The following COLQ variants were observed in gnomAD, a reference collection of about 807,000 sequenced individuals.
COLQ encodes the protein acetylcholinesterase collagenic tail peptide.
In COLQ, 48 loss-of-function variants were observed where a neutral mutation model predicts 69.0. That is an observed-to-expected ratio of 0.70 (90% CI 0.55 to 0.88). The LOEUF (loss-of-function observed/expected upper bound fraction) is 0.88. Among genes scored for constraint, COLQ ranks in the 40% least tolerant of loss-of-function variants. COLQ has a pLI of 0.00. For missense variants in COLQ, 618 were observed against 594.6 expected (o/e 1.04, Z -0.41); for synonymous variants, 217 against 211.2 (o/e 1.03, Z -0.24).
At chr3:15,488,060 A>T in intron 3 of COLQ, 146 bp downstream of exon 3, 1 of 636,842 alleles carries the variant, frequency 1.6e-6, no homozygotes, top group Non-Finnish European at 2.8e-6. Flanking sequence ...TGTTCTATCC[A>T]AGTGGCTTTG....
intron 3 of COLQ, among the ~76,000 whole-genome samples, chr3:15,480,661 T>G (rs142619037): frequency 1.3e-5 from 2 of 152,232 alleles, no homozygotes; most frequent in African/African-American, 4.8e-5. Flanking sequence ...TGTGTCTTTA[T>G]AGCAGCACGA....
chr3:15,475,283 G>A, intron 7 of COLQ, 142 bp downstream of exon 7: 1 of 828,974 alleles, frequency 1.2e-6, no homozygotes, highest in Non-Finnish European at 2.0e-6. Context: ...TTCTCCAAAG[G>A]GCTGGTAAAG....
At chr3:15,519,358 G>A (rs549083353) in intron 1 of COLQ, among the ~76,000 whole-genome samples, 57 of 152,288 alleles carry the variant, frequency 3.7e-4, no homozygotes, top group African/African-American at 5.1e-4. Flanking sequence ...AATGAGAGGC[G>A]CTGCCAAAAG....
At position 15,451,574 on chromosome 3, in the gene COLQ, G is replaced by T; in HGVS notation, c.*70C>A. The T allele has an allele frequency of 1.4e-6, 2 of 1,429,802 alleles. No individual in the cohort carries two copies. The highest frequency in any genetic ancestry group is 2.0e-6 in the Non-Finnish European group (2 of 1,011,780). 88.6% of individuals were successfully genotyped at this position (1,429,802 alleles called of 1,614,324 possible). ...TTGGTGGAGACGGGGCCAGGACATG[G>T]CCAGTTTGATGACAGTGGAGAAGCT... On this transcript the variant is annotated 3_prime_UTR_variant, in exon 17 of 17. Coordinates refer to ENST00000383788, the MANE Select transcript of COLQ (RefSeq NM_005677.4).
chr3:15,507,974 A>G (rs974658019), intron 1 of COLQ, among the ~76,000 whole-genome samples: 3 of 152,010 alleles, frequency 2.0e-5, no homozygotes, highest in Non-Finnish European at 4.4e-5. Context: ...TTTGCCACAC[A>G]TTATTTTTTT....
chr3:15,460,915 C>T (rs1163524767), intron 12 of COLQ, among the ~76,000 whole-genome samples: 1 of 152,034 alleles, frequency 6.6e-6, no homozygotes, highest in Admixed American at 6.6e-5. Flanking sequence ...GCTCTGTGAC[C>T]CCAACAACTC....
chr3:15,457,609 A>G (rs1366516937), intron 13 of COLQ, among the ~76,000 whole-genome samples: 1 of 135,688 alleles, frequency 7.4e-6, no homozygotes, highest in Admixed American at 8.0e-5. Context: ...TTCAACTAAG[A>G]TAACAAAGTA....
At chr3:15,480,006 C>T (rs1266432899) in intron 3 of COLQ, among the ~76,000 whole-genome samples, 3 of 152,192 alleles carry the variant, frequency 2.0e-5, no homozygotes, top group Non-Finnish European at 4.4e-5. Context: ...CTACAACTCA[C>T]TGCATCAAAG....
chr3:15,470,102 G>GA (rs2062257016), intron 11 of COLQ, among the ~76,000 whole-genome samples: 2 of 152,096 alleles, frequency 1.3e-5, no homozygotes, highest in South Asian at 4.2e-4. Context: ...CCTGAGTAGG[G>GA]AAAAACCACC....
intron 1 of COLQ, among the ~76,000 whole-genome samples, chr3:15,512,068 T>C (rs1378808554): frequency 6.6e-6 from 1 of 151,804 alleles, no homozygotes; most frequent in African/African-American, 2.4e-5. Context: ...CCCTGGAAAG[T>C]CCTCTGTGGA....
intron 16 of COLQ, among the ~76,000 whole-genome samples, chr3:15,452,170 G>A (rs892247946): frequency 1.3e-5 from 2 of 151,490 alleles, no homozygotes; most frequent in Admixed American, 6.6e-5. Flanking sequence ...AGGTTCAAGC[G>A]ATTGTCCTGC....
chr3:15,484,073 T>C (rs962981486), intron 3 of COLQ, among the ~76,000 whole-genome samples: 6 of 152,194 alleles, frequency 3.9e-5, no homozygotes, highest in African/African-American at 1.4e-4. Flanking sequence ...CTTGGTAGAT[T>C]TTCCTCCATC....
intron 11 of COLQ, among the ~76,000 whole-genome samples, chr3:15,469,031 T>C (rs1353174377): frequency 1.3e-5 from 2 of 152,166 alleles, no homozygotes; most frequent in South Asian, 2.1e-4. Context: ...TAATTCATGA[T>C]AAAAATAAAT....
At chr3:15,480,185 CT>C (rs2062453674) in intron 3 of COLQ, among the ~76,000 whole-genome samples, 1 of 152,156 alleles carries the variant, frequency 6.6e-6, no homozygotes, top group South Asian at 2.1e-4. Flanking sequence ...AATATGATTT[CT>C]TTTTTTAAAT....
Position 15,450,788 on chromosome 3 carries a change from C to T in COLQ, c.*856G>A, listed in dbSNP as rs1021538767. The T allele has an allele frequency of 1.3e-4, 20 of 152,370 alleles. No homozygotes were observed. Among genetic ancestry groups the T allele is most frequent in the African/African-American group, 4.8e-4 (20 of 41,458 alleles). The allele number at this position is 152,370 out of a possible 1,614,324, so 9.4% of individuals were successfully genotyped here. ...TAAGGACCAAGGAGACACCAACAGC[C>T]TGCCCAGGTGTGGGCTTGTGCAGGT... On this transcript the variant is annotated 3_prime_UTR_variant, in exon 17 of 17. Coordinates refer to ENST00000383788, the MANE Select transcript of COLQ (RefSeq NM_005677.4).
At chr3:15,469,631 C>T (rs974437550) in intron 11 of COLQ, among the ~76,000 whole-genome samples, 2 of 152,106 alleles carry the variant, frequency 1.3e-5, no homozygotes, top group Admixed American at 6.5e-5. Flanking sequence ...GGTTCTGAAA[C>T]CTGGCTGCAC....
chr3:15,478,786 G>A, intron 5 of COLQ, 191 bp downstream of exon 5: 1 of 709,054 alleles, frequency 1.4e-6, no homozygotes, highest in Admixed American at 2.2e-5. Context: ...GCAGGCTCCT[G>A]CTCCTGAACA....
At chr3:15,515,733 G>A (rs1004452034) in intron 1 of COLQ, among the ~76,000 whole-genome samples, 1 of 152,206 alleles carries the variant, frequency 6.6e-6, no homozygotes, top group Non-Finnish European at 1.5e-5. Context: ...TTGAACCCAG[G>A]AGGTGGAGGT....
intron 1 of COLQ, among the ~76,000 whole-genome samples, chr3:15,516,569 G>A (rs992011224): frequency 1.1e-4 from 16 of 152,282 alleles, no homozygotes; most frequent in African/African-American, 3.4e-4. Flanking sequence ...AACCACATGT[G>A]TCTGCAGGGT....
Sources: allele counts gnomAD v4.1 joint callset (sites outside exome capture counted in the v4.1 genomes callset), GRCh38; gene constraint gnomAD v4.1.1; transcripts MANE v1.5; gene names NCBI Gene and HGNC (gene_info 2026-07-23, HGNC 2026-07-21).